GDAP1: variants seen among roughly 807,000 people sequenced by gnomAD.
GDAP1 encodes the protein ganglioside-induced differentiation-associated protein 1.
In GDAP1, 34 loss-of-function variants were observed where a neutral mutation model predicts 40.1. That is an observed-to-expected ratio of 0.85 (90% CI 0.64 to 1.13). GDAP1 has a LOEUF of 1.13. Among genes scored for constraint, GDAP1 ranks in the 50% most tolerant of loss-of-function variants. The pLI is 0.00. For synonymous variants in GDAP1, 170 were observed against 157.4 expected (o/e 1.08, Z -0.60); for missense variants, 374 against 433.7 (o/e 0.86, Z 1.22).
At chr8:74,393,734 A>G (rs1810147223) in intron 2 of GDAP1, among the ~76,000 whole-genome samples, 1 of 152,214 alleles carries the variant, frequency 6.6e-6, no homozygotes, top group African/African-American at 2.4e-5. Flanking sequence ...CTAATTATGA[A>G]AAAAACTATT....
intron 2 of GDAP1, among the ~76,000 whole-genome samples, chr8:74,423,284 ATGATATG>A (rs1805903320): frequency 6.8e-6 from 1 of 147,332 alleles, no homozygotes; most frequent in African/African-American, 2.5e-5. Flanking sequence ...TATATATAAT[ATGATATG>A]TGATATGTAT....
chr8:74,375,279 A>G lies in GDAP1; in HGVS notation c.165+23958A>G, dbSNP rs1809833511. ...GAGGCAGAGGTTGCAGTGAGCCGAG[A>G]TCGCGCCACTGCACTCCAGCCTGGG... On this transcript the variant is annotated intron_variant, in intron 2 of 2. Coordinates refer to the GDAP1 transcript ENST00000523640. Among the ~76,000 whole-genome samples, 4 of 152,090 alleles carry G rather than the reference A, an allele frequency of 2.6e-5. No homozygotes were observed. In the South Asian group the frequency reaches 6.2e-4, roughly 24 times the overall value.
chr8:74,428,823 G>A (rs1805987847), intron 2 of GDAP1, among the ~76,000 whole-genome samples: 1 of 150,976 alleles, frequency 6.6e-6, no homozygotes, highest in Non-Finnish European at 1.5e-5. Context: ...ATAAATAAAA[G>A]TCTAACATTA....
intron 2 of GDAP1, among the ~76,000 whole-genome samples, chr8:74,443,797 C>T (rs1806193258): frequency 6.6e-6 from 1 of 152,110 alleles, no homozygotes; most frequent in Non-Finnish European, 1.5e-5. Context: ...ATCCTCATTC[C>T]TCACCATTCT....
chr8:74,392,718 A>G (rs61081722), intron 2 of GDAP1, among the ~76,000 whole-genome samples: 41,002 of 152,156 alleles, frequency 0.27, 6,121 homozygotes, highest in Non-Finnish European at 0.34. Context: ...TGCCAACCCA[A>G]TGAGAGCAGA....
At chr8:74,411,662 G>A (rs1361183727) in intron 2 of GDAP1, among the ~76,000 whole-genome samples, 2 of 147,744 alleles carry the variant, frequency 1.4e-5, no homozygotes, top group East Asian at 1.9e-4. Flanking sequence ...TGGGAAGATC[G>A]CTTGAACCCA....
chr8:74,431,278 A>C (rs932592609), intron 2 of GDAP1, among the ~76,000 whole-genome samples: 2 of 151,860 alleles, frequency 1.3e-5, no homozygotes, highest in Non-Finnish European at 2.9e-5. Context: ...GTGAGACTAT[A>C]CTGTGGTCTT....
chr8:74,409,124 T>C (rs1194226238), intron 2 of GDAP1, among the ~76,000 whole-genome samples: 1 of 150,064 alleles, frequency 6.7e-6, no homozygotes, highest in Non-Finnish European at 1.5e-5. Flanking sequence ...GCAATCAGAA[T>C]GTCAAAACTT....
chr8:74,450,110 A>G (rs1355509882), intron 2 of GDAP1, among the ~76,000 whole-genome samples: 3 of 147,906 alleles, frequency 2.0e-5, no homozygotes, highest in Non-Finnish European at 4.5e-5. Context: ...TGGTTTATTT[A>G]TATGTGTCTT....
In GDAP1 at chr8:74,415,413, A is replaced by T. The variant is rs1453987356; in HGVS notation, c.165+64092A>T. Among the ~76,000 whole-genome samples the T allele has an allele frequency of 5.3e-5, 8 of 150,166 alleles. 1 individual carries two copies. The highest frequency in any genetic ancestry group is 2.0e-4 in the African/African-American group (8 of 39,440). On this transcript the variant is annotated intron_variant, in intron 2 of 2. Transcript: ENST00000523640. ...TGGAAAGAAAATATTAATAGTGTGTAGAGATTCACCCTGAACTTTTTCCAA... is the reference window on the plus strand; with the variant it reads ...TGGAAAGAAAATATTAATAGTGTGTTGAGATTCACCCTGAACTTTTTCCAA...
chr8:74,409,499 G>T (rs1254894459), intron 2 of GDAP1, among the ~76,000 whole-genome samples: 1 of 149,678 alleles, frequency 6.7e-6, no homozygotes, highest in Non-Finnish European at 1.5e-5. Context: ...TTACAGGCAT[G>T]CACCATTACT....
chr8:74,351,120 C>T (rs1188870822), intron 1 of GDAP1, among the ~76,000 whole-genome samples, 154 bp from the exon 2 acceptor site: 1 of 152,054 alleles, frequency 6.6e-6, no homozygotes, highest in Non-Finnish European at 1.5e-5. Flanking sequence ...TTGTTCTTTC[C>T]TTACTTGTTA....
intron 2 of GDAP1, among the ~76,000 whole-genome samples, chr8:74,433,275 C>T (rs997318676): frequency 1.3e-4 from 20 of 152,192 alleles, no homozygotes; most frequent in African/African-American, 4.1e-4. Context: ...GCCGTATTTA[C>T]TGGTTTACTC....
chr8:74,482,325 T>A (rs1806723208), intron 2 of GDAP1, among the ~76,000 whole-genome samples: 1 of 152,176 alleles, frequency 6.6e-6, no homozygotes, highest in African/African-American at 2.4e-5. Flanking sequence ...ATTATCCCTA[T>A]GCAAGGATCC....
rs141232518 is a variant in GDAP1, at chr8:74,472,316, T to C, written c.166-16362T>C. ...TATTCCATAGTGTACATGTACCACA[T>C]TTTCTTTATCCAATCTACCTTTGAT... On this transcript the variant is annotated intron_variant, in intron 2 of 2. Transcript: ENST00000523640. Among the ~76,000 whole-genome samples, 408 of 152,366 alleles carry C rather than the reference T, an allele frequency of 2.7e-3. 1 individual carries two copies. The highest frequency in any genetic ancestry group is 9.3e-3 in the African/African-American group (387 of 41,588).
Position 74,452,099 on chromosome 8 carries a change from G to A in GDAP1, c.166-36579G>A, listed in dbSNP as rs1435256190. Among the ~76,000 whole-genome samples the A allele has an allele frequency of 1.2e-4, 10 of 80,542 alleles. 3 individuals are homozygous for A. Among genetic ancestry groups the A allele is most frequent in the African/African-American group, 2.8e-4 (5 of 18,024 alleles). 52.8% of individuals were successfully genotyped at this position (80,542 alleles called of 152,430 possible). A position where few individuals can be genotyped will look rare whatever the true frequency, so the allele number is the denominator to read the frequency against. ...CAAGTAGCTGGGACTACAGGCGCCC[G>A]CCACCACACCCGGCTAATTTTTTGT... On this transcript the variant is annotated intron_variant, in intron 2 of 2. Transcript: ENST00000523640.
intron 5 of GDAP1, 124 bp from the exon 6 acceptor site, chr8:74,363,861 T>G (rs918390502): frequency 2.6e-6 from 2 of 779,488 alleles, no homozygotes; most frequent in Non-Finnish European, 4.4e-6. Flanking sequence ...AGAAAATAAA[T>G]ATATAATGTC....
chr8:74,374,106 A>C (rs1429989632), intron 2 of GDAP1, among the ~76,000 whole-genome samples: 6 of 152,136 alleles, frequency 3.9e-5, no homozygotes, highest in African/African-American at 9.7e-5. Context: ...AGGGATGAAG[A>C]CCACTTGATC....
At chr8:74,380,155 T>C (rs1809924370) in intron 2 of GDAP1, among the ~76,000 whole-genome samples, 1 of 151,168 alleles carries the variant, frequency 6.6e-6, no homozygotes, top group Non-Finnish European at 1.5e-5. Context: ...ATGATGCTTG[T>C]GAGGTGAAAA....
Sources: allele counts gnomAD v4.1 joint callset (sites outside exome capture counted in the v4.1 genomes callset), GRCh38; gene constraint gnomAD v4.1.1; transcripts MANE v1.5; gene names NCBI Gene and HGNC (gene_info 2026-07-23, HGNC 2026-07-21).